Variants in FZR1 observed in about 807,000 individuals in gnomAD.
The protein encoded by FZR1 is fizzy and cell division cycle 20 related 1, also known as fizzy-related protein homolog.
Under a neutral mutation model 63.6 loss-of-function variants are expected in FZR1, and 11 were observed. That is an observed-to-expected ratio of 0.17 (90% CI 0.11 to 0.29). The LOEUF (loss-of-function observed/expected upper bound fraction) is 0.29. Ranked by LOEUF, FZR1 falls within the 10% of genes least tolerant of loss-of-function variation. FZR1 has a pLI of 1.00. For missense variants in FZR1, 440 were observed against 687.5 expected (o/e 0.64, Z 4.03); for synonymous variants, 328 against 297.9 (o/e 1.10, Z -1.04).
rs1170831463 is a variant in FZR1, at chr19:3,527,009, C to T, written c.417C>T (p.Pro139=). The part of the protein sequence containing the change: ...TYSLSTKRSS[P]DDGNDVSPYS... ...CCCTTAGCACCAAGCGCTCCAGCCC[C>T]GATGACGGCAACGATGTGTCTCCCT... Residue 139 remains proline, a synonymous_variant, in exon 6 of 14, where the codon CCC becomes CCT. Transcript: ENST00000441788. The T allele has an allele frequency of 8.7e-6, 14 of 1,612,476 alleles. No homozygotes were observed. Among genetic ancestry groups the T allele is most frequent in the Non-Finnish European group, 1.2e-5 (14 of 1,179,768 alleles).
chr19:3,529,143 TGGGAGAGCGGATGGGA>T (rs1379305395), intron 7 of FZR1, among the ~76,000 whole-genome samples: 16,641 of 122,000 alleles, frequency 0.14, 1,552 homozygotes, highest in African/African-American at 0.16. Flanking sequence ...GGAGAGCGGA[TGGGAGAGCGGATGGGA>T]GAGCGGTTGG....
At position 3,526,305 on chromosome 19, in the gene FZR1, C is replaced by T. The variant is rs367591096; in HGVS notation, c.306C>T (p.Ala102=). Residue 102 remains alanine, a synonymous_variant, in exon 5 of 14, where the codon GCC becomes GCT. Transcript: ENST00000441788. The surrounding 1 kb of genome is among the most constrained non-coding windows in gnomAD (Gnocchi z 5.4). ...TGCTCAAGAATGAGCTGCTGGGTGCCGGCATCGAGAAGGTGCAGGACCCGC... is the reference window on the plus strand; with the variant it reads ...TGCTCAAGAATGAGCTGCTGGGTGCTGGCATCGAGAAGGTGCAGGACCCGC... ...SALLKNELLG[A]GIEKVQDPQT... is the part of the protein sequence containing the mutation. 57 of 1,606,520 alleles carry T rather than the reference C, an allele frequency of 3.5e-5. 1 individual carries two copies. Among genetic ancestry groups the T allele is most frequent in the African/African-American group, 2.1e-4 (16 of 74,814 alleles).
intron 6 of FZR1, 123 bp from the exon 7 acceptor site, chr19:3,527,508 G>A (rs756713499): frequency 9.2e-5 from 65 of 705,678 alleles, no homozygotes; most frequent in Middle Eastern, 3.9e-4. Context: ...ACATGGTGGC[G>A]GTGGTGATTG....
chr19:3,534,759 C>A, intron 13 of FZR1, 36 bp from the exon 14 acceptor site: 1 of 1,599,670 alleles, frequency 6.3e-7, no homozygotes, highest in Non-Finnish European at 8.6e-7. Flanking sequence ...CCTGGGCCTG[C>A]GGCTCAGCGC....
At chr19:3,530,435 G>GGGGGAGCGC in intron 7 of FZR1, among the ~76,000 whole-genome samples, 1 of 74,002 alleles carries the variant, frequency 1.4e-5, no homozygotes, top group South Asian at 5.1e-4. Context: ...TGGGAGAGCG[G>GGGGGAGCGC]ATGGGAGAGC....
intron 1 of FZR1, among the ~76,000 whole-genome samples, chr19:3,512,720 G>A (rs1024265983): frequency 7.2e-5 from 11 of 152,132 alleles, no homozygotes; most frequent in Non-Finnish European, 1.0e-4. Context: ...CAGCTGGCAC[G>A]GCTGCCCCCT....
intron 11 of FZR1, 94 bp downstream of exon 11, chr19:3,532,744 G>A: frequency 1.2e-6 from 1 of 857,488 alleles, no homozygotes; most frequent in Non-Finnish European, 1.9e-6. Flanking sequence ...TGGGGAGATG[G>A]GTCAGAGTCG....
rs1161773007 is a variant in FZR1 at position 3,515,411 on chromosome 19, G to C, written c.-34-7545G>C. Among the ~76,000 whole-genome samples, 1 of 152,004 alleles carries C rather than the reference G, an allele frequency of 6.6e-6. No homozygotes were observed. Among genetic ancestry groups the C allele is most frequent in the Non-Finnish European group, 1.5e-5 (1 of 68,040 alleles). On this transcript the variant is annotated intron_variant, in intron 1 of 13. Transcript: ENST00000441788. The surrounding 1 kb of genome is among the most constrained non-coding windows in gnomAD (Gnocchi z 4.6). The stretch of plus-strand genomic sequence containing the variant: ...TGGTGCCCGGTCTCATCCGGAGCCT[G>C]CCTGGCCCATCTCTGACCGTGGTTT...
intron 13 of FZR1, 124 bp downstream of exon 13, chr19:3,534,637 C>CCG: frequency 1.1e-6 from 1 of 905,420 alleles, no homozygotes; most frequent in Non-Finnish European, 1.8e-6. Flanking sequence ...TCCCTCACCT[C>CCG]AAATTCTGGG....
chr19:3,526,471 C>A lies in FZR1; in HGVS notation c.387+85C>A. On this transcript the variant is annotated intron_variant, in intron 5 of 13. Coordinates refer to ENST00000441788, the MANE Select transcript of FZR1 (RefSeq NM_016263.4). The surrounding 1 kb of genome is among the most constrained non-coding windows in gnomAD (Gnocchi z 5.4). ...CACCTCCCAGGCACCAGCTCTGCCT[C>A]CCCGAGCCCGGTTCTCGGGCCCAGC... 1.7e-6 allele frequency: 2 copies of A among 1,162,582 alleles called. No homozygotes were observed. Among genetic ancestry groups the A allele is most frequent in the Non-Finnish European group, 2.4e-6 (2 of 821,828 alleles). 72.0% of individuals were successfully genotyped at this position (1,162,582 alleles called of 1,614,324 possible).
chr19:3,532,384 G>C (rs764668827), intron 10 of FZR1, 33 bp from the exon 11 acceptor site: 16 of 1,530,452 alleles, frequency 1.0e-5, no homozygotes, highest in Non-Finnish European at 1.4e-5. Flanking sequence ...ACAGGGCTGG[G>C]ACAGCCCCGG....
At chr19:3,530,298 G>A (rs1385677455) in intron 7 of FZR1, among the ~76,000 whole-genome samples, 68 of 137,290 alleles carry the variant, frequency 5.0e-4, no homozygotes, top group African/African-American at 1.8e-3. Context: ...GAGCGCAGGG[G>A]AGAGCGGAGG....
rs566640256 is a variant in FZR1 at position 3,535,108 on chromosome 19, G to A, written c.*272G>A. On this transcript the variant is annotated 3_prime_UTR_variant, in exon 14 of 14. Coordinates refer to ENST00000441788, the MANE Select transcript of FZR1 (RefSeq NM_016263.4). The stretch of plus-strand genomic sequence containing the variant: ...GGCGAGAACCACATTGGACGGTCCC[G>A]GCTCAGACCGTCTGTACTCAGAGCG... 2.9e-4 allele frequency: 154 copies of A among 528,714 alleles called. No individual in the cohort carries two copies. Among genetic ancestry groups the A allele is most frequent in the African/African-American group, 1.1e-3 (59 of 52,386 alleles). 32.8% of individuals were successfully genotyped at this position (528,714 alleles called of 1,614,324 possible).
chr19:3,533,198 C>A lies in FZR1; in HGVS notation c.1243-96C>A. The A allele has an allele frequency of 1.3e-6, 1 of 778,470 alleles. No individual in the cohort carries two copies. Among genetic ancestry groups the A allele is most frequent in the South Asian group, 1.5e-5 (1 of 68,430 alleles). 48.2% of individuals were successfully genotyped at this position (778,470 alleles called of 1,614,324 possible). On this transcript the variant is annotated intron_variant, in intron 11 of 13. Transcript: ENST00000441788. The surrounding 1 kb of genome is among the most constrained non-coding windows in gnomAD (Gnocchi z 4.9). ...TCCTGGGCTGGCTGGCGGCTCTGAG[C>A]TCTCACATGGGCTCAGGCGGGTGCA... is the stretch of plus-strand genomic sequence containing the variant.
Position 3,523,055 on chromosome 19 carries a change from A to G in FZR1, c.66A>G (p.Pro22=), listed in dbSNP as rs1157754673. Reference sequence around the variant, plus strand: ...TCATCCAGAATGAGAACACGATGCCACGCGTGAGTGCCCCCGCCCTGCCCA... The same window carrying G: ...TCATCCAGAATGAGAACACGATGCCGCGCGTGAGTGCCCCCGCCCTGCCCA... ...QIVIQNENTM[P]RVTEMRRTLT... is the part of the protein sequence containing the mutation. Residue 22 remains proline, a synonymous_variant, in exon 2 of 14, where the codon CCA becomes CCG. Transcript: ENST00000441788. The G allele has an allele frequency of 1.9e-6, 3 of 1,594,878 alleles. No individual in the cohort carries two copies. In the African/African-American group the frequency reaches 4.0e-5, roughly 21 times the overall value.
chr19:3,513,916 T>C (rs1226737934), intron 1 of FZR1, among the ~76,000 whole-genome samples: 1 of 152,092 alleles, frequency 6.6e-6, no homozygotes, highest in Non-Finnish European at 1.5e-5. Flanking sequence ...AAAAGATCCG[T>C]CATTGGGATG....
At position 3,516,517 on chromosome 19, in the gene FZR1, G is replaced by T. The variant is rs753917635; in HGVS notation, c.-34-6439G>T. On this transcript the variant is annotated intron_variant, in intron 1 of 13. Transcript: ENST00000441788. The surrounding 1 kb of genome is among the most constrained non-coding windows in gnomAD (Gnocchi z 6.0). ...TTCCTGCAGCGCAGCTGAGCGAGGG[G>T]CTTAGAGGGGTCGCTGGGGGTCCCG... 6.6e-6 allele frequency among the ~76,000 whole-genome samples: 1 copy of T among 152,226 alleles called. No homozygotes were observed. Among genetic ancestry groups the T allele is most frequent in the Non-Finnish European group, 1.5e-5 (1 of 68,036 alleles).
chr19:3,527,517 T>C, intron 6 of FZR1, 114 bp from the exon 7 acceptor site: 1 of 768,984 alleles, frequency 1.3e-6, no homozygotes, highest in Non-Finnish European at 2.1e-6. Context: ...CGGTGGTGAT[T>C]GGAGGGGCCG....
At chr19:3,528,355 G>A (rs2083183424) in intron 7 of FZR1, among the ~76,000 whole-genome samples, 1 of 152,238 alleles carries the variant, frequency 6.6e-6, no homozygotes, top group African/African-American at 2.4e-5. Flanking sequence ...GGAGAGCGAG[G>A]GTTGGCGCCC....
Sources: allele counts gnomAD v4.1 joint callset (sites outside exome capture counted in the v4.1 genomes callset), GRCh38; gene constraint gnomAD v4.1.1; non-coding constraint Gnocchi (gnomAD v3.1); transcripts MANE v1.5; gene names NCBI Gene and HGNC (gene_info 2026-07-23, HGNC 2026-07-21).